Variants in TUSC3 observed in about 807,000 individuals in gnomAD.
TUSC3 encodes dolichyl-diphosphooligosaccharide--protein glycosyltransferase subunit TUSC3.
In TUSC3, 45 loss-of-function variants were observed where a neutral mutation model predicts 44.8. The observed-to-expected ratio is 1.00, with a 90% CI of 0.79 to 1.29. The LOEUF is 1.29. TUSC3 is among the 50% of genes most tolerant of loss of function. TUSC3 has a pLI of 0.00. For missense variants in TUSC3, 519 were observed against 437.9 expected, an observed-to-expected ratio of 1.19 and a Z score of -1.65; for synonymous variants, 212 against 152.9, an observed-to-expected ratio of 1.39 and a Z score of -2.85.
the TUSC3 span, among the ~76,000 whole-genome samples, chr8:15,775,190 G>A: frequency 6.6e-6 from 1 of 152,072 alleles, no homozygotes; most frequent in Non-Finnish European, 1.5e-5. Flanking sequence ...GAAAACAAGT[G>A]AAAGATGCCA....
chr8:15,454,667 G>T (rs1800234469), intron 1 of TUSC3, among the ~76,000 whole-genome samples: 1 of 152,128 alleles, frequency 6.6e-6, no homozygotes, highest in Non-Finnish European at 1.5e-5. Flanking sequence ...TACTGACTCA[G>T]ATGGAGCCCT....
intron 7 of TUSC3, chr8:15,743,333 T>C: frequency 1.7e-6 from 1 of 575,164 alleles, no homozygotes; most frequent in Non-Finnish European, 3.1e-6. Context: ...ATATCACAAA[T>C]TGAAGTTTCA....
chr8:15,485,462 G>T (rs1194417015), intron 2 of TUSC3, among the ~76,000 whole-genome samples: 1 of 101,080 alleles, frequency 9.9e-6, no homozygotes, highest in Admixed American at 1.1e-4. Flanking sequence ...ATACTCTGTT[G>T]TCTTTTTTTT....
chr8:15,595,660 C>G (rs1804037243), intron 1 of TUSC3, among the ~76,000 whole-genome samples: 1 of 152,118 alleles, frequency 6.6e-6, no homozygotes, highest in African/African-American at 2.4e-5. Context: ...TTTGCTGTTG[C>G]TATTTCAAAA....
intron 2 of TUSC3, among the ~76,000 whole-genome samples, chr8:15,626,202 C>T (rs1359265886): frequency 2.0e-5 from 3 of 152,184 alleles, no homozygotes; most frequent in East Asian, 1.9e-4. Flanking sequence ...GCCTCTGCCA[C>T]TCCAGACCCT....
At chr8:15,596,624 T>C (rs1401385800) in intron 1 of TUSC3, among the ~76,000 whole-genome samples, 1 of 152,204 alleles carries the variant, frequency 6.6e-6, no homozygotes, top group Non-Finnish European at 1.5e-5. Context: ...AACACTATTA[T>C]TATGTTAATG....
intron 7 of TUSC3, among the ~76,000 whole-genome samples, chr8:15,733,165 T>G (rs1277456852): frequency 6.6e-6 from 1 of 152,202 alleles, no homozygotes; most frequent in Non-Finnish European, 1.5e-5. Flanking sequence ...TTTGTGTATA[T>G]GTTTATAGAC....
chr8:15,805,724 G>C, the TUSC3 span, among the ~76,000 whole-genome samples: 1 of 152,062 alleles, frequency 6.6e-6, no homozygotes, highest in Non-Finnish European at 1.5e-5. Flanking sequence ...GATTCAGTTT[G>C]CTAGGATTTT....
At chr8:15,515,425 T>G (rs949376541) in intron 2 of TUSC3, among the ~76,000 whole-genome samples, 7 of 152,176 alleles carry the variant, frequency 4.6e-5, no homozygotes, top group Non-Finnish European at 1.0e-4. Context: ...GCTGTGCATT[T>G]TACTCACATT....
At chr8:15,784,279 C>T in the TUSC3 span, among the ~76,000 whole-genome samples, 119 of 152,166 alleles carry the variant, frequency 7.8e-4, 2 homozygotes, top group Middle Eastern at 0.01. Flanking sequence ...TTTTAGAAAA[C>T]AATGTGAAGG....
At chr8:15,849,542 C>A in the TUSC3 span, among the ~76,000 whole-genome samples, 3 of 152,302 alleles carry the variant, frequency 2.0e-5, no homozygotes, top group East Asian at 3.9e-4. Flanking sequence ...GAAAGCCCAA[C>A]TTAAAGAAAG....
intron 6 of TUSC3, among the ~76,000 whole-genome samples, chr8:15,676,303 C>T (rs1347292677): frequency 6.6e-6 from 1 of 152,062 alleles, no homozygotes. Context: ...CATGTCTTTG[C>T]CTGCTTTTTA....
chr8:15,421,567 T>G (rs1799737915), intron 1 of TUSC3, among the ~76,000 whole-genome samples: 1 of 152,162 alleles, frequency 6.6e-6, no homozygotes, highest in Admixed American at 6.5e-5. Context: ...ACTGTAAAAT[T>G]TATTTGTTTT....
At chr8:15,681,945 G>C (rs1482337428) in intron 6 of TUSC3, among the ~76,000 whole-genome samples, 1 of 152,060 alleles carries the variant, frequency 6.6e-6, no homozygotes, top group East Asian at 1.9e-4. Flanking sequence ...GGAGCAAGTT[G>C]TTTAGTTACT....
intron 2 of TUSC3, among the ~76,000 whole-genome samples, chr8:15,628,481 A>G (rs1805614575): frequency 6.6e-6 from 1 of 152,174 alleles, no homozygotes; most frequent in South Asian, 2.1e-4. Flanking sequence ...TTAGCATTTT[A>G]AAAGAGTTTT....
intron 6 of TUSC3, among the ~76,000 whole-genome samples, chr8:15,677,396 C>G (rs1808237182): frequency 6.6e-6 from 1 of 152,214 alleles, no homozygotes; most frequent in Admixed American, 6.5e-5. Flanking sequence ...AAAGTAAAGA[C>G]TCTGGCTCAC....
intron 2 of TUSC3, among the ~76,000 whole-genome samples, chr8:15,486,414 T>C (rs1800733644): frequency 6.6e-6 from 1 of 152,182 alleles, no homozygotes; most frequent in South Asian, 2.1e-4. Context: ...TTGATCATTC[T>C]ATAATTCTCA....
chr8:15,573,162 C>G lies in TUSC3; in HGVS notation c.138+32594C>G, dbSNP rs1459241763. Among the ~76,000 whole-genome samples the G allele has an allele frequency of 3.8e-5, 4 of 105,060 alleles. No individual in the cohort carries two copies. The Admixed American group carries it at 4.0e-4, about 11-fold the overall frequency. 68.9% of individuals were successfully genotyped at this position (105,060 alleles called of 152,430 possible). A position where few individuals can be genotyped will look rare whatever the true frequency, so the allele number is the denominator to read the frequency against. ...AACTATTGCTTCAGTATAGTGTTCTCTCTCTTTCTCTCTCTCTCTCTCTCT... is the reference window on the plus strand; with the variant it reads ...AACTATTGCTTCAGTATAGTGTTCTGTCTCTTTCTCTCTCTCTCTCTCTCT... On this transcript the variant is annotated intron_variant, in intron 1 of 10. Transcript: ENST00000503731.
rs141300922 is a variant in TUSC3, at chr8:15,733,289, CAT to C, written c.862+2562_862+2563del. On this transcript the variant is annotated intron_variant, in intron 7 of 10. Coordinates refer to ENST00000503731, the MANE Select transcript of TUSC3 (RefSeq NM_006765.4). ...TAACATTAAAGCAAATGGATAGAAA[CAT>C]AAAGCATTTGTTGCAGGTAAGTTTT... is the stretch of plus-strand genomic sequence containing the variant. 475 of 341,330 alleles carry C rather than the reference CAT, an allele frequency of 1.4e-3. 3 individuals carry two copies. Among genetic ancestry groups the C allele is most frequent in the African/African-American group, 9.3e-3 (422 of 45,302 alleles). 21.1% of individuals were successfully genotyped at this position (341,330 alleles called of 1,614,324 possible).
Sources: gnomAD v4.1 joint callset for allele counts (sites outside exome capture counted in the v4.1 genomes callset) on GRCh38, gnomAD v4.1.1 for gene constraint, MANE v1.5 for transcripts, NCBI Gene and HGNC (gene_info 2026-07-23, HGNC 2026-07-21) for gene names.